The following ACSBG1 variants were observed in gnomAD, a reference collection of about 807,000 sequenced individuals.
ACSBG1 encodes the protein acyl-CoA synthetase bubblegum family member 1.
Under a neutral mutation model 80.2 loss-of-function variants are expected in ACSBG1, and 39 were observed. That is an observed-to-expected ratio of 0.49 (90% CI 0.38 to 0.64). ACSBG1 has a LOEUF of 0.64. ACSBG1 is among the 30% of genes least tolerant of loss of function. The probability of loss-of-function intolerance (pLI) is 0.00; values close to 1 mark genes in which losing one functional copy is unlikely to be tolerated. For missense variants in ACSBG1, 828 were observed against 966.4 expected (o/e 0.86, Z 1.90); for synonymous variants, 392 against 379.5 (o/e 1.03, Z -0.38).
intron 1 of ACSBG1, among the ~76,000 whole-genome samples, chr15:78,220,139 T>C (rs2075349194): frequency 1.3e-5 from 2 of 152,224 alleles, no homozygotes; most frequent in African/African-American, 4.8e-5. Context: ...AGGACAGATA[T>C]ATAGGTGAAT....
At chr15:78,202,203 C>CTATTAT (rs138759640) in intron 2 of ACSBG1, among the ~76,000 whole-genome samples, 61 of 151,730 alleles carry the variant, frequency 4.0e-4, no homozygotes, top group African/African-American at 1.4e-3. Flanking sequence ...ATGTTCTTTC[C>CTATTAT]TATTATTATT....
Position 78,179,719 on chromosome 15 carries a change from C to T in ACSBG1, c.1315G>A (p.Ala439Thr). ...TTTTGACACTTGGCAAATCCCAGTG[C>T]CTGGCGAACCTTGGCTAGCACCAGG... Reference protein sequence around the residue: ...DYLVLAKVRQALGFAKCQKNF... With the variant: ...DYLVLAKVRQTLGFAKCQKNF... The change falls in exon 10 of 14, where the codon GCA becomes ACA. Residue 439 changes from alanine to threonine, a missense_variant. Physicochemically the swap from Ala to Thr is moderately conservative, Grantham distance 58. Coordinates refer to ENST00000258873, the MANE Select transcript of ACSBG1 (RefSeq NM_015162.5). 6.2e-7 allele frequency: 1 copy of T among 1,614,046 alleles called. No individual in the cohort carries two copies. The highest frequency in any genetic ancestry group is 8.5e-7 in the Non-Finnish European group (1 of 1,180,014).
At chr15:78,229,638 AGAGT>A (rs1375979577) in intron 1 of ACSBG1, among the ~76,000 whole-genome samples, 2 of 152,196 alleles carry the variant, frequency 1.3e-5, no homozygotes, top group South Asian at 2.1e-4. Flanking sequence ...CTAGGAGCCC[AGAGT>A]GAGTGTGGTC....
intron 1 of ACSBG1, among the ~76,000 whole-genome samples, chr15:78,226,784 A>AAATATATATATATATATAATATATAT (rs1555434834): frequency 8.4e-6 from 1 of 119,672 alleles, no homozygotes; most frequent in African/African-American, 3.0e-5. Flanking sequence ...ACACATAGAA[A>AAATATATATATATATATAATATATAT]AATATATATA....
intron 7 of ACSBG1, 66 bp from the exon 8 acceptor site, chr15:78,182,211 G>T (rs1298355525): frequency 1.3e-6 from 2 of 1,558,848 alleles, no homozygotes; most frequent in Non-Finnish European, 1.7e-6. Flanking sequence ...TCACAACTGT[G>T]GCCACCCTGG....
intron 8 of ACSBG1, among the ~76,000 whole-genome samples, chr15:78,181,280 A>T (rs2141329332): frequency 6.6e-6 from 1 of 152,242 alleles, no homozygotes; most frequent in Non-Finnish European, 1.5e-5. Flanking sequence ...GGACACTGAG[A>T]TGCTGGTGGA....
intron 3 of ACSBG1, among the ~76,000 whole-genome samples, 197 bp from the exon 4 acceptor site, chr15:78,194,217 C>G (rs28706083): frequency 0.023 from 3,481 of 152,320 alleles, 136 homozygotes; most frequent in African/African-American, 0.078. Flanking sequence ...GCCTTCCCAG[C>G]GAGTCTGTCC....
rs56308433 is a variant in ACSBG1 at position 78,207,270 on chromosome 15, C to G, written c.232+732G>C. Among the ~76,000 whole-genome samples the G allele has an allele frequency of 2.0e-5, 3 of 152,114 alleles. No homozygotes were observed. The South Asian group carries it at 6.2e-4, about 32-fold the overall frequency. On this transcript the variant is annotated intron_variant, in intron 2 of 13. Transcript: ENST00000258873. ...AGGGGGCATGAGAGGAAACACCCACCCCCACAGCTCAGGCCAGATCCCTGC... is the reference window on the plus strand; with the variant it reads ...AGGGGGCATGAGAGGAAACACCCACGCCCACAGCTCAGGCCAGATCCCTGC...
intron 2 of ACSBG1, among the ~76,000 whole-genome samples, chr15:78,203,167 TCCA>T (rs1162625742): frequency 6.6e-6 from 1 of 152,106 alleles, no homozygotes. Context: ...CCCTTTGTGC[TCCA>T]CCAACAGGGC....
At position 78,193,544 on chromosome 15, in the gene ACSBG1, T is replaced by C. The variant is rs1322193502; in HGVS notation, c.625A>G (p.Met209Val). The change falls in exon 5 of 14, where the codon ATG becomes GTG. Residue 209 changes from methionine (M) to valine (V), a missense_variant. Around this residue, in one of 3 missense-constraint regions of ACSBG1, gnomAD observed 356 missense variants for 363.5 expected, o/e 0.98. Coordinates refer to ENST00000258873, the MANE Select transcript of ACSBG1 (RefSeq NM_015162.5). ...TCCAGCTGCTTCTGCGTGTCGACCA[T>C]GATGACATTGGCGCAGCAGTCATAA... ...IAYDCCANVI[M>V]VDTQKQLEKI... 8 of 1,613,086 alleles carry C rather than the reference T, an allele frequency of 5.0e-6. No individual in the cohort carries two copies. The highest frequency in any genetic ancestry group is 6.8e-6 in the Non-Finnish European group (8 of 1,179,468).
chr15:78,195,616 A>G (rs2075106715), intron 2 of ACSBG1, among the ~76,000 whole-genome samples: 1 of 152,148 alleles, frequency 6.6e-6, no homozygotes, highest in East Asian at 1.9e-4. Flanking sequence ...GGATCAAGAG[A>G]AAGGGTGTAT....
At chr15:78,223,338 A>G (rs995494825) in intron 1 of ACSBG1, among the ~76,000 whole-genome samples, 1 of 152,196 alleles carries the variant, frequency 6.6e-6, no homozygotes, top group Admixed American at 6.5e-5. Flanking sequence ...GCTGGGCTTA[A>G]TACCTAGGTG....
At chr15:78,174,342 C>T in intron 12 of ACSBG1, 43 bp downstream of exon 12, 1 of 1,613,862 alleles carries the variant, frequency 6.2e-7, no homozygotes. Context: ...CCACAGACCC[C>T]CTCACTGGCT....
At chr15:78,193,219 G>A (rs1428219696) in intron 5 of ACSBG1, among the ~76,000 whole-genome samples, 2 of 152,216 alleles carry the variant, frequency 1.3e-5, no homozygotes, top group Non-Finnish European at 2.9e-5. Flanking sequence ...TCCCTTTAGG[G>A]GAGACCCTGT....
intron 5 of ACSBG1, among the ~76,000 whole-genome samples, chr15:78,190,956 T>G (rs2075051854): frequency 6.6e-6 from 1 of 152,100 alleles, no homozygotes; most frequent in Non-Finnish European, 1.5e-5. Flanking sequence ...TGGTGGCTAT[T>G]TATACAAATT....
chr15:78,210,141 G>C (rs1016882217), intron 1 of ACSBG1, among the ~76,000 whole-genome samples: 1 of 152,214 alleles, frequency 6.6e-6, no homozygotes. Flanking sequence ...ACCCAGTGCA[G>C]TGTCAAATTT....
At chr15:78,194,296 C>T (rs569543609) in intron 3 of ACSBG1, among the ~76,000 whole-genome samples, 7 of 152,386 alleles carry the variant, frequency 4.6e-5, no homozygotes, top group African/African-American at 7.2e-5. Context: ...AAGTGAGTAA[C>T]AAGTGCTTGG....
rs746671134 is a variant in ACSBG1, at chr15:78,194,640, G to A, written c.319C>T (p.Arg107Trp). The change falls in exon 3 of 14, where the codon CGG becomes TGG. Residue 107 changes from arginine to tryptophan, a missense_variant. Coordinates refer to ENST00000258873, the MANE Select transcript of ACSBG1 (RefSeq NM_015162.5). ...SCPQLPYTVHRMFYEALDKYG... is the reference protein window; with the variant it reads ...SCPQLPYTVHWMFYEALDKYG... ...TTATCCAGGGCCTCGTAGAACATCCGATGCACAGTGTAGGGAAGCTGTGGG... is the reference window on the plus strand; with the variant it reads ...TTATCCAGGGCCTCGTAGAACATCCAATGCACAGTGTAGGGAAGCTGTGGG... 17 of 1,614,144 alleles carry A rather than the reference G, an allele frequency of 1.1e-5. No homozygotes were observed. Among genetic ancestry groups the A allele is most frequent in the East Asian group, 6.7e-5 (3 of 44,900 alleles).
intron 11 of ACSBG1, chr15:78,174,792 G>A: frequency 2.1e-6 from 1 of 483,654 alleles, no homozygotes; most frequent in South Asian, 2.4e-5. Flanking sequence ...CTCATCCATG[G>A]CCCCCTTCTG....
Sources: allele counts gnomAD v4.1 joint callset (sites outside exome capture counted in the v4.1 genomes callset), GRCh38; gene constraint gnomAD v4.1.1; regional missense constraint gnomAD v4.1.1; transcripts MANE v1.5; gene names NCBI Gene and HGNC (gene_info 2026-07-23, HGNC 2026-07-21).